The following RAB28 variants were observed in gnomAD, a reference collection of about 807,000 sequenced individuals.
The protein encoded by RAB28 is ras-related protein Rab-28.
In RAB28, 24 loss-of-function variants were observed where a neutral mutation model predicts 31.7. That is an observed-to-expected ratio of 0.76 (90% CI 0.55 to 1.06). The LOEUF is 1.06. Among genes scored for constraint, RAB28 ranks in the 50% least tolerant of loss-of-function variants. RAB28 has a pLI of 0.00. For synonymous variants in RAB28, 100 were observed against 90.4 expected, an observed-to-expected ratio of 1.11 and a Z score of -0.60; for missense variants, 254 against 258.5, an observed-to-expected ratio of 0.98 and a Z score of 0.12.
chr4:13,454,829 T>G (rs1715208718), intron 4 of RAB28, among the ~76,000 whole-genome samples: 1 of 152,100 alleles, frequency 6.6e-6, no homozygotes, highest in Non-Finnish European at 1.5e-5. Flanking sequence ...CAAGGACTGT[T>G]TCTAAGGTCC....
rs181546384 is a variant in RAB28, at chr4:13,396,274, C to G, written c.392-14680G>C. On this transcript the variant is annotated intron_variant, in intron 4 of 6. Transcript: ENST00000330852. The stretch of plus-strand genomic sequence containing the variant: ...AGTGTTGATCTGGTTATACTCAATT[C>G]AAACAAACGACTTGTCACATTAACT... Among the ~76,000 whole-genome samples the G allele has an allele frequency of 3.4e-4, 52 of 151,980 alleles. No individual in the cohort carries two copies. In the East Asian group the frequency reaches 9.9e-3, roughly 29 times the overall value.
intron 6 of RAB28, among the ~76,000 whole-genome samples, chr4:13,373,407 A>C (rs182871680): frequency 3.3e-4 from 50 of 152,236 alleles, no homozygotes; most frequent in Admixed American, 2.1e-3. Flanking sequence ...GAAACTATTA[A>C]CCAAATTGGG....
At position 13,369,853 on chromosome 4, in the gene RAB28, T is replaced by A. The variant is rs772015820; in HGVS notation, c.574-1203A>T. 6.9e-6 allele frequency: 11 copies of A among 1,595,570 alleles called. No individual in the cohort carries two copies. In the East Asian group the frequency reaches 2.2e-4, roughly 33 times the overall value. On this transcript the variant is annotated intron_variant, in intron 6 of 6. Coordinates refer to ENST00000330852, the MANE Select transcript of RAB28 (RefSeq NM_001017979.3). ...CCCTTCCCACCTCCCCAAACTGTAA[T>A]AATTTATCACTTAATACCTGCACTA... is the stretch of plus-strand genomic sequence containing the variant.
intron 4 of RAB28, among the ~76,000 whole-genome samples, chr4:13,408,006 C>A (rs1712202732): frequency 6.6e-6 from 1 of 152,154 alleles, no homozygotes; most frequent in Non-Finnish European, 1.5e-5. Context: ...CCCTTTATTT[C>A]TTTCTCTTGC....
intron 4 of RAB28, among the ~76,000 whole-genome samples, chr4:13,444,752 C>A (rs1714611487): frequency 6.6e-6 from 1 of 152,194 alleles, no homozygotes; most frequent in South Asian, 2.1e-4. Flanking sequence ...TAACCCAAAG[C>A]TTAATCTTTA....
At chr4:13,386,104 C>A (rs1729356389) in intron 4 of RAB28, among the ~76,000 whole-genome samples, 1 of 151,902 alleles carries the variant, frequency 6.6e-6, no homozygotes, top group African/African-American at 2.4e-5. Context: ...AAAATATTTA[C>A]AAACTCTGAT....
At chr4:13,380,018 A>C (rs1729064498) in intron 5 of RAB28, among the ~76,000 whole-genome samples, 1 of 152,212 alleles carries the variant, frequency 6.6e-6, no homozygotes, top group Admixed American at 6.5e-5. Context: ...AAGCTAAAAT[A>C]CTACAAGTTA....
intron 5 of RAB28, among the ~76,000 whole-genome samples, chr4:13,378,174 G>A (rs1728995557): frequency 6.6e-6 from 1 of 152,166 alleles, no homozygotes; most frequent in South Asian, 2.1e-4. Flanking sequence ...TTAGTTGGCT[G>A]GAGACATAAG....
At chr4:13,412,281 C>A (rs1403919643) in intron 4 of RAB28, among the ~76,000 whole-genome samples, 2 of 152,084 alleles carry the variant, frequency 1.3e-5, no homozygotes, top group African/African-American at 2.4e-5. Flanking sequence ...AAGAGTTTCC[C>A]TAGATCACAA....
chr4:13,373,744 TA>T (rs1309437698), intron 6 of RAB28, among the ~76,000 whole-genome samples: 2 of 152,262 alleles, frequency 1.3e-5, no homozygotes, highest in East Asian at 3.9e-4. Flanking sequence ...AAACTAGGAC[TA>T]AAACCTCACT....
At chr4:13,427,747 G>A (rs1489573996) in intron 4 of RAB28, among the ~76,000 whole-genome samples, 3 of 152,282 alleles carry the variant, frequency 2.0e-5, no homozygotes, top group Admixed American at 2.0e-4. Context: ...ACCCGGGAGA[G>A]AGGAAGAAAC....
chr4:13,381,468 A>G, intron 5 of RAB28, 23 bp downstream of exon 5: 1 of 1,491,390 alleles, frequency 6.7e-7, no homozygotes, highest in Non-Finnish European at 9.3e-7. Context: ...AACATCACAT[A>G]CAGTATTCAT....
At chr4:13,380,982 T>C (rs1254390235) in intron 5 of RAB28, among the ~76,000 whole-genome samples, 3 of 151,926 alleles carry the variant, frequency 2.0e-5, no homozygotes, top group Non-Finnish European at 4.4e-5. Flanking sequence ...TAAAAATAAA[T>C]ATAGGGTTGT....
intron 4 of RAB28, among the ~76,000 whole-genome samples, chr4:13,418,087 C>A (rs767634250): frequency 5.3e-5 from 8 of 152,250 alleles, no homozygotes; most frequent in Admixed American, 1.3e-4. Flanking sequence ...AACCAGGGCA[C>A]AAGAACTATG....
At chr4:13,412,602 GA>G (rs936072886) in intron 4 of RAB28, among the ~76,000 whole-genome samples, 1 of 151,898 alleles carries the variant, frequency 6.6e-6, no homozygotes, top group Non-Finnish European at 1.5e-5. Flanking sequence ...GTTGCTGCGG[GA>G]AAAAATTTAC....
intron 4 of RAB28, among the ~76,000 whole-genome samples, chr4:13,414,207 T>C (rs2108912518): frequency 6.6e-6 from 1 of 152,310 alleles, no homozygotes; most frequent in Admixed American, 6.5e-5. Context: ...ACTAATCAGG[T>C]TTCATTTTTA....
intron 4 of RAB28, among the ~76,000 whole-genome samples, chr4:13,451,249 T>C (rs1269980298): frequency 2.0e-5 from 3 of 151,944 alleles, no homozygotes; most frequent in Non-Finnish European, 4.4e-5. Context: ...TGATACCTCA[T>C]TGTGGTTTTG....
At chr4:13,465,128 A>G (rs1051462106) in intron 3 of RAB28, among the ~76,000 whole-genome samples, 6 of 152,076 alleles carry the variant, frequency 3.9e-5, no homozygotes, top group African/African-American at 1.4e-4. Flanking sequence ...AAAACAACGA[A>G]TAAAACAGAA....
intron 4 of RAB28, among the ~76,000 whole-genome samples, chr4:13,390,817 T>C (rs1440360432): frequency 2.0e-5 from 3 of 152,196 alleles, no homozygotes; most frequent in Non-Finnish European, 2.9e-5. Context: ...GGATTCCCTA[T>C]TTAATAAATG....
Sources: gnomAD v4.1 joint callset for allele counts (sites outside exome capture counted in the v4.1 genomes callset) on GRCh38, gnomAD v4.1.1 for gene constraint, MANE v1.5 for transcripts, NCBI Gene and HGNC (gene_info 2026-07-23, HGNC 2026-07-21) for gene names.